Variants in OPHN1 observed in about 807,000 individuals in gnomAD.
OPHN1 encodes oligophrenin-1.
Under a neutral mutation model 60.7 loss-of-function variants are expected in OPHN1, and 11 were observed. That is an observed-to-expected ratio of 0.18 (90% CI 0.11 to 0.30). The LOEUF (loss-of-function observed/expected upper bound fraction) is 0.30. OPHN1 is among the 10% of genes least tolerant of loss of function. The pLI is 1.00. For missense variants in OPHN1, 449 were observed against 611.0 expected, an observed-to-expected ratio of 0.73 and a Z score of 2.80; for synonymous variants, 226 against 222.6, an observed-to-expected ratio of 1.02 and a Z score of -0.14.
chrX:68,053,382 C>T (rs1258779563), intron 22 of OPHN1, among the ~76,000 whole-genome samples: 2 of 111,798 alleles, frequency 1.8e-5, no homozygotes, highest in African/African-American at 6.5e-5. Context: ...AATAATATCA[C>T]CATACAGAGA....
intron 2 of OPHN1, among the ~76,000 whole-genome samples, chrX:68,378,833 T>C (rs1602368471): frequency 8.9e-6 from 1 of 111,863 alleles, no homozygotes; most frequent in Admixed American, 9.5e-5. Context: ...TTGGTTACTG[T>C]AGCCTTGTAG....
At chrX:68,272,391 A>T (rs184107780) in intron 5 of OPHN1, among the ~76,000 whole-genome samples, 1 of 112,579 alleles carries the variant, frequency 8.9e-6, no homozygotes, top group Non-Finnish European at 1.9e-5. Flanking sequence ...AAGAAAGCAT[A>T]TGTAAAACCC....
chrX:68,299,682 AGACCT>A (rs1394836478), intron 2 of OPHN1, among the ~76,000 whole-genome samples: 1 of 112,181 alleles, frequency 8.9e-6, no homozygotes, highest in Admixed American at 9.5e-5. Flanking sequence ...ATTTATCAAG[AGACCT>A]GACCTAAGAA....
At chrX:68,231,211 G>A (rs1304519240) in intron 6 of OPHN1, among the ~76,000 whole-genome samples, 1 of 111,488 alleles carries the variant, frequency 9.0e-6, no homozygotes, top group African/African-American at 3.3e-5. Context: ...AAAATCAAAG[G>A]TCAAAATAAA....
rs141779572 is a variant in OPHN1 at position 68,391,233 on chromosome X, C to G, written c.154+41634G>C. Among the ~76,000 whole-genome samples, 673 of 111,653 alleles carry G rather than the reference C, an allele frequency of 6.0e-3. 5 individuals are homozygous for G. Among genetic ancestry groups the G allele is most frequent in the Non-Finnish European group, 0.011 (560 of 53,155 alleles). On this transcript the variant is annotated intron_variant, in intron 2 of 24. Coordinates refer to ENST00000355520, the MANE Select transcript of OPHN1 (RefSeq NM_002547.3). ...TTTTGGGGAAGCTATTATTCTATCA[C>G]AGACATAATTATGAATAGAAATAAC...
intron 2 of OPHN1, among the ~76,000 whole-genome samples, chrX:68,407,223 AATAC>A (rs1388838194): frequency 8.9e-6 from 1 of 111,976 alleles, no homozygotes. Flanking sequence ...TAAATAAATA[AATAC>A]ATACATACAT....
chrX:68,263,215 T>C (rs1221993866), intron 5 of OPHN1, among the ~76,000 whole-genome samples: 1 of 111,539 alleles, frequency 9.0e-6, no homozygotes, highest in Non-Finnish European at 1.9e-5. Flanking sequence ...ATTGCTTTCA[T>C]CCTTCCTCCC....
intron 2 of OPHN1, among the ~76,000 whole-genome samples, chrX:68,331,417 T>C (rs2078294233): frequency 9.1e-6 from 1 of 109,792 alleles, no homozygotes; most frequent in African/African-American, 3.3e-5. Context: ...TTTCACTATC[T>C]CTATGTTTTA....
chrX:68,433,201 G>A lies in OPHN1; in HGVS notation c.-38C>T. The stretch of plus-strand genomic sequence containing the variant: ...GTGAGACTCCTGAGGAGCGCTGGCT[G>A]GTCCGGACAGAGAACAGGCGCCCCG... On this transcript the variant is annotated 5_prime_UTR_variant, in exon 1 of 25. Transcript: ENST00000355520. 1.1e-5 allele frequency: 5 copies of A among 468,310 alleles called. No homozygotes were observed. Among genetic ancestry groups the A allele is most frequent in the Non-Finnish European group, 1.8e-5 (5 of 284,755 alleles). 38.6% of individuals were successfully genotyped at this position (468,310 alleles called of 1,213,427 possible).
At chrX:68,352,465 T>C (rs1431970763) in intron 2 of OPHN1, among the ~76,000 whole-genome samples, 5 of 110,821 alleles carry the variant, frequency 4.5e-5, no homozygotes, top group Non-Finnish European at 7.5e-5. Flanking sequence ...TGATTTGCTA[T>C]GCATGCATTT....
intron 5 of OPHN1, among the ~76,000 whole-genome samples, chrX:68,262,816 GGACAA>G (rs1427440681): frequency 5.2e-5 from 5 of 96,351 alleles, no homozygotes; most frequent in Admixed American, 5.0e-4. Context: ...GGACAGGACA[GGACAA>G]GAAAGGAAAG....
intron 15 of OPHN1, among the ~76,000 whole-genome samples, chrX:68,122,446 T>C (rs913804086): frequency 9.0e-6 from 1 of 111,313 alleles, no homozygotes; most frequent in African/African-American, 3.3e-5. Context: ...CAGATGAACA[T>C]TCACAAGCAT....
At chrX:68,349,775 T>C (rs1181680175) in intron 2 of OPHN1, among the ~76,000 whole-genome samples, 3 of 111,313 alleles carry the variant, frequency 2.7e-5, no homozygotes, top group Non-Finnish European at 3.8e-5. Context: ...TGGATGAAGC[T>C]GGAAACCATC....
At chrX:68,078,002 GATC>G (rs2076959741) in intron 19 of OPHN1, among the ~76,000 whole-genome samples, 1 of 111,662 alleles carries the variant, frequency 9.0e-6, no homozygotes, top group African/African-American at 3.3e-5. Flanking sequence ...GCCAAAAGAA[GATC>G]ATGTCTATGA....
chrX:68,173,928 G>A (rs1387062611), intron 15 of OPHN1, among the ~76,000 whole-genome samples: 3 of 111,564 alleles, frequency 2.7e-5, no homozygotes, highest in Non-Finnish European at 3.8e-5. Flanking sequence ...TCTTGATAAA[G>A]GTTAACCTTT....
At chrX:68,306,079 T>G (rs1195077515) in intron 2 of OPHN1, among the ~76,000 whole-genome samples, 3 of 112,262 alleles carry the variant, frequency 2.7e-5, no homozygotes, top group African/African-American at 9.7e-5. Context: ...ATTCTTCCAC[T>G]CTTCAGTCCC....
chrX:68,407,136 G>A (rs1602396096), intron 2 of OPHN1, among the ~76,000 whole-genome samples: 1 of 112,697 alleles, frequency 8.9e-6, no homozygotes, highest in South Asian at 3.6e-4. Context: ...CCTGGGAGGC[G>A]GAGGTTGCAG....
chrX:68,095,756 C>T (rs1322827298), intron 19 of OPHN1, among the ~76,000 whole-genome samples: 1 of 110,950 alleles, frequency 9.0e-6, no homozygotes, highest in Non-Finnish European at 1.9e-5. Flanking sequence ...TATGCTTTTC[C>T]CTAGGATGGC....
chrX:68,399,781 A>G (rs1469036685), intron 2 of OPHN1, among the ~76,000 whole-genome samples: 2 of 110,357 alleles, frequency 1.8e-5, no homozygotes, highest in Non-Finnish European at 3.8e-5. Context: ...CAACTACTCC[A>G]TACCTTCCAA....
Sources: allele counts gnomAD v4.1 joint callset (sites outside exome capture counted in the v4.1 genomes callset), GRCh38; gene constraint gnomAD v4.1.1; transcripts MANE v1.5; gene names NCBI Gene and HGNC (gene_info 2026-07-23, HGNC 2026-07-21).